The following SPTB variants were observed in gnomAD, a reference collection of about 807,000 sequenced individuals.
SPTB encodes the protein spectrin beta, erythrocytic, also known as spectrin beta chain, erythrocytic.
SPTB carries 45 observed loss-of-function variants against 256.2 expected under a neutral mutation model. That is an observed-to-expected ratio of 0.18 (90% CI 0.14 to 0.23). SPTB has a LOEUF of 0.23. Among genes scored for constraint, SPTB ranks in the 10% least tolerant of loss-of-function variants. SPTB has a pLI of 1.00. For synonymous variants in SPTB, 1,231 were observed against 1,243.1 expected (o/e 0.99, Z 0.21); for missense variants, 2,715 against 3,040.4 (o/e 0.89, Z 2.52).
rs961841808 is a variant in SPTB at position 64,816,491 on chromosome 14, A to T, written c.148+6456T>A. ...TCAAACATGCTTATCCCCTGAACTG[A>T]GAGCTGCAGTTTATGTTACAAACTT... On this transcript the variant is annotated intron_variant, in intron 2 of 35. Transcript: ENST00000644917. This position sits in a 1 kb window ranked among gnomAD's most constrained non-coding sequence, Gnocchi z 4.2. Among the ~76,000 whole-genome samples the T allele has an allele frequency of 6.6e-6, 1 of 152,138 alleles. No individual in the cohort carries two copies. The highest frequency in any genetic ancestry group is 2.4e-5 in the African/African-American group (1 of 41,420).
rs750095464 is a variant in SPTB at position 64,847,094 on chromosome 14, G to T, written c.-51-23949C>A. Among the ~76,000 whole-genome samples the T allele has an allele frequency of 2.6e-5, 4 of 152,134 alleles. No homozygotes were observed. The highest frequency in any genetic ancestry group is 5.9e-5 in the Non-Finnish European group (4 of 68,032). ...TTGTCTATGTGTAGCTCCACCTCGGGGTGTGATTTCCTCAGTTGTTCACTG... is the reference window on the plus strand; with the variant it reads ...TTGTCTATGTGTAGCTCCACCTCGGTGTGTGATTTCCTCAGTTGTTCACTG... On this transcript the variant is annotated intron_variant, in intron 1 of 35. Transcript: ENST00000644917. The surrounding 1 kb of genome is among the most constrained non-coding windows in gnomAD (Gnocchi z 5.9).
chr14:64,747,217 C>T lies in SPTB; in HGVS notation c.*2089G>A, dbSNP rs2081860520. The T allele has an allele frequency of 1.3e-5, 2 of 152,494 alleles. No homozygotes were observed. The highest frequency in any genetic ancestry group is 4.1e-4 in the South Asian group (2 of 4,834). 9.4% of individuals were successfully genotyped at this position (152,494 alleles called of 1,614,324 possible). A position where few individuals can be genotyped will look rare whatever the true frequency, so the allele number is the denominator to read the frequency against. On this transcript the variant is annotated 3_prime_UTR_variant, in exon 36 of 36. Coordinates refer to ENST00000644917, the MANE Select transcript of SPTB (RefSeq NM_001355436.2). ...ACACGTGGAAGGGGGAGGGTGGGCC[C>T]TTGTCCCTAGGCTCCCTAAAGACTG...
chr14:64,747,054 G>A lies in SPTB; in HGVS notation c.*2252C>T, dbSNP rs757747159. The A allele has an allele frequency of 6.5e-6, 1 of 152,724 alleles. No individual in the cohort carries two copies. The highest frequency in any genetic ancestry group is 1.5e-5 in the Non-Finnish European group (1 of 68,100). The allele number at this position is 152,724 out of a possible 1,614,324, so 9.5% of individuals were successfully genotyped here. The stretch of plus-strand genomic sequence containing the variant: ...TGTGTGGGGAGCTGGCAACAGAATG[G>A]TCACATGCAGCTGGCTGCCCTGGAC... On this transcript the variant is annotated 3_prime_UTR_variant, in exon 36 of 36. Transcript: ENST00000644917.
At chr14:64,767,460 G>T in intron 30 of SPTB, 108 bp from the exon 31 acceptor site, 1 of 1,494,226 alleles carries the variant, frequency 6.7e-7, no homozygotes, top group Non-Finnish European at 9.3e-7. Context: ...CCTGACACTT[G>T]TTCCTTCTAG....
At chr14:64,763,136 G>A (rs2082118226) in intron 32 of SPTB, among the ~76,000 whole-genome samples, 1 of 152,196 alleles carries the variant, frequency 6.6e-6, no homozygotes, top group Non-Finnish European at 1.5e-5. Context: ...TCTCCCAGGA[G>A]AAAACAGCCT....
chr14:64,879,035 A>T (rs1231180796), intron 1 of SPTB, among the ~76,000 whole-genome samples: 1 of 152,136 alleles, frequency 6.6e-6, no homozygotes, highest in African/African-American at 2.4e-5. Flanking sequence ...AGCTTCTGTT[A>T]TTTCTCCCAC....
rs1213123295 is a variant in SPTB at position 64,825,287 on chromosome 14, T to C, written c.-51-2142A>G. On this transcript the variant is annotated intron_variant, in intron 1 of 35. Transcript: ENST00000644917. This position sits in a 1 kb window ranked among gnomAD's most constrained non-coding sequence, Gnocchi z 4.8. ...GGAAGGTGCAAGGTGGGAAAACCAG[T>C]CATCATCCCGAACACAGGATGCCCC... Among the ~76,000 whole-genome samples, 1 of 152,100 alleles carries C rather than the reference T, an allele frequency of 6.6e-6. No homozygotes were observed. The highest frequency in any genetic ancestry group is 2.4e-5 in the African/African-American group (1 of 41,414).
rs945842921 is a variant in SPTB, at chr14:64,790,361, T to C, written c.2804+1358A>G. Among the ~76,000 whole-genome samples, 10 of 152,232 alleles carry C rather than the reference T, an allele frequency of 6.6e-5. No homozygotes were observed. The highest frequency in any genetic ancestry group is 1.3e-4 in the Non-Finnish European group (9 of 68,040). ...AGTTCTTCCTCTCAGGAAGTTTCTC[T>C]GGTTTAGACCTGCTCTAGTTTCCTC... On this transcript the variant is annotated intron_variant, in intron 15 of 35. Coordinates refer to ENST00000644917, the MANE Select transcript of SPTB (RefSeq NM_001355436.2). This position sits in a 1 kb window ranked among gnomAD's most constrained non-coding sequence, Gnocchi z 4.8.
rs778862998 is a variant in SPTB at position 64,799,887 on chromosome 14, G to A, written c.924C>T (p.Ser308=). The change falls in exon 9 of 36, where the codon AGC becomes AGT. Residue 308 remains serine (S), a synonymous_variant. Coordinates refer to ENST00000644917, the MANE Select transcript of SPTB (RefSeq NM_001355436.2). The part of the protein sequence containing the change: ...IETEKMIEKY[S]GLASDLLTWI... The stretch of plus-strand genomic sequence containing the variant: ...AGGTGAGCAGGTCCGAGGCTAGCCC[G>A]CTGTACTTTTCAATCATCTTCTCAG... The A allele has an allele frequency of 6.2e-5, 100 of 1,614,100 alleles. No homozygotes were observed. Among genetic ancestry groups the A allele is most frequent in the Middle Eastern group, 1.6e-4 (1 of 6,084 alleles).
In SPTB at chr14:64,797,943, G is replaced by C. The variant is rs897098332; in HGVS notation, c.1065-97C>G. On this transcript the variant is annotated intron_variant, in intron 9 of 35. Coordinates refer to ENST00000644917, the MANE Select transcript of SPTB (RefSeq NM_001355436.2). ...CGGAACTGTGGCATCTTGAAGCGTA[G>C]ATAGCAAAGCATATTTCCCTTAAAA... The C allele has an allele frequency of 4.2e-5, 35 of 840,478 alleles. No homozygotes were observed. The East Asian group carries it at 8.4e-4, about 20-fold the overall frequency. 52.1% of individuals were successfully genotyped at this position (840,478 alleles called of 1,614,324 possible). A position where few individuals can be genotyped will look rare whatever the true frequency, so the allele number is the denominator to read the frequency against.
At position 64,792,589 on chromosome 14, in the gene SPTB, G is replaced by T. The variant is rs1235367759; in HGVS notation, c.2666+408C>A. On this transcript the variant is annotated intron_variant, in intron 14 of 35. Coordinates refer to ENST00000644917, the MANE Select transcript of SPTB (RefSeq NM_001355436.2). The surrounding 1 kb of genome is among the most constrained non-coding windows in gnomAD (Gnocchi z 4.2). ...AGGGGGTTTGCAAATTCTCTCTGTG[G>T]CCCCTCAGAGTCTCCTGGCTTAAGG... 2.6e-5 allele frequency among the ~76,000 whole-genome samples: 4 copies of T among 152,114 alleles called. No homozygotes were observed. The highest frequency in any genetic ancestry group is 4.8e-5 in the African/African-American group (2 of 41,406).
chr14:64,804,882 C>G lies in SPTB; in HGVS notation c.300+57G>C, dbSNP rs79206695. 8.1e-6 allele frequency: 13 copies of G among 1,609,996 alleles called. No individual in the cohort carries two copies. The Admixed American group carries it at 1.2e-4, about 14-fold the overall frequency. On this transcript the variant is annotated intron_variant, in intron 3 of 35. Coordinates refer to ENST00000644917, the MANE Select transcript of SPTB (RefSeq NM_001355436.2). ...GAACTTGAGATGCCCCCAAACCATG[C>G]CTTTGCTGAAGAGGGGCCGATGGCA...
intron 2 of SPTB, among the ~76,000 whole-genome samples, chr14:64,811,829 T>C (rs2083095651): frequency 6.6e-6 from 1 of 152,214 alleles, no homozygotes; most frequent in Admixed American, 6.5e-5. Context: ...TCTGATAAAA[T>C]GCTTGTGTTG....
At position 64,797,826 on chromosome 14, in the gene SPTB, A is replaced by T. The variant is rs749002006; in HGVS notation, c.1085T>A (p.Leu362Gln). The T allele has an allele frequency of 6.2e-7, 1 of 1,613,938 alleles. No homozygotes were observed. Among genetic ancestry groups the T allele is most frequent in the African/African-American group, 1.3e-5 (1 of 74,926 alleles). The change falls in exon 10 of 36, where the codon CTG becomes CAG. Residue 362 changes from leucine (L) to glutamine (Q), a missense_variant. Transcript: ENST00000644917. ...KPPKFQEKGN[L>Q]EVLLFTIQSR... ...CTGGATGGTAAAAAGTAGAACTTCCAGATTCCCCTTCTCTTGAAACCTGTC... is the reference window on the plus strand; with the variant it reads ...CTGGATGGTAAAAAGTAGAACTTCCTGATTCCCCTTCTCTTGAAACCTGTC...
At chr14:64,770,204 C>T (rs967861105) in intron 27 of SPTB, among the ~76,000 whole-genome samples, 3 of 152,002 alleles carry the variant, frequency 2.0e-5, no homozygotes, top group East Asian at 1.9e-4. Context: ...CTAATAGGGG[C>T]GGAGTGATGA....
intron 1 of SPTB, among the ~76,000 whole-genome samples, chr14:64,858,626 G>T (rs2083911064): frequency 6.6e-6 from 1 of 152,012 alleles, no homozygotes. Flanking sequence ...GGAAAGGAGG[G>T]AAGAAGGGGG....
At position 64,790,152 on chromosome 14, in the gene SPTB, A is replaced by G. The variant is rs1405773178; in HGVS notation, c.2804+1567T>C. Among the ~76,000 whole-genome samples, 3 of 152,288 alleles carry G rather than the reference A, an allele frequency of 2.0e-5. No individual in the cohort carries two copies. The highest frequency in any genetic ancestry group is 1.9e-4 in the East Asian group (1 of 5,178). ...TGCCGGGTGAGGGAGTGAGTTCCCCATCACTGGCTAGACTGGGTGACTTCT... is the reference window on the plus strand; with the variant it reads ...TGCCGGGTGAGGGAGTGAGTTCCCCGTCACTGGCTAGACTGGGTGACTTCT... On this transcript the variant is annotated intron_variant, in intron 15 of 35. Coordinates refer to ENST00000644917, the MANE Select transcript of SPTB (RefSeq NM_001355436.2). This position sits in a 1 kb window ranked among gnomAD's most constrained non-coding sequence, Gnocchi z 4.8.
At chr14:64,862,873 C>A (rs376089350) in intron 1 of SPTB, among the ~76,000 whole-genome samples, 11 of 150,360 alleles carry the variant, frequency 7.3e-5, no homozygotes, top group South Asian at 6.3e-4. Context: ...ACAATAACAA[C>A]AAAAAAAAAC....
At position 64,803,554 on chromosome 14, in the gene SPTB, C is replaced by T. The variant is rs17767579; in HGVS notation, c.474+53G>A. 4.4e-6 allele frequency: 7 copies of T among 1,607,968 alleles called. No homozygotes were observed. The Admixed American group carries it at 8.3e-5, about 19-fold the overall frequency. ...TTCAGCATTTTATAAGATTCTAAGG[C>T]CCTGGGCAGCCTTGAGGGCTCCCTC... On this transcript the variant is annotated intron_variant, in intron 4 of 35. Coordinates refer to ENST00000644917, the MANE Select transcript of SPTB (RefSeq NM_001355436.2).
Sources: allele counts gnomAD v4.1 joint callset (sites outside exome capture counted in the v4.1 genomes callset), GRCh38; gene constraint gnomAD v4.1.1; non-coding constraint Gnocchi (gnomAD v3.1); transcripts MANE v1.5; gene names NCBI Gene and HGNC (gene_info 2026-07-23, HGNC 2026-07-21).